The following SIK2 variants were observed in gnomAD, a reference collection of about 807,000 sequenced individuals.
The protein encoded by SIK2 is serine/threonine-protein kinase SIK2.
SIK2 carries 29 observed loss-of-function variants against 103.2 expected under a neutral mutation model. The ratio of observed to expected loss-of-function variants is 0.28; its 90% CI spans 0.21 to 0.38. The LOEUF (loss-of-function observed/expected upper bound fraction) is 0.38. Among genes scored for constraint, SIK2 ranks in the 10% least tolerant of loss-of-function variants. The pLI, the probability that SIK2 is intolerant of heterozygous loss-of-function variation, is 1.00. For synonymous variants in SIK2, 412 were observed against 446.1 expected (o/e 0.92, Z 0.96); for missense variants, 879 against 1,171.0 (o/e 0.75, Z 3.64).
intron 3 of SIK2, chr11:111,671,225 G>A: frequency 3.8e-6 from 1 of 263,366 alleles, no homozygotes; most frequent in South Asian, 4.7e-5. Context: ...CCCTGCAGCA[G>A]CTTGCAGTAG....
At position 111,688,855 on chromosome 11, in the gene SIK2, G is replaced by A. The variant is rs1221742996; in HGVS notation, c.478+693G>A. Among the ~76,000 whole-genome samples the A allele has an allele frequency of 6.6e-6, 1 of 152,116 alleles. No homozygotes were observed. Among genetic ancestry groups the A allele is most frequent in the African/African-American group, 2.4e-5 (1 of 41,408 alleles). On this transcript the variant is annotated intron_variant, in intron 4 of 14. Transcript: ENST00000304987. This position sits in a 1 kb window ranked among gnomAD's most constrained non-coding sequence, Gnocchi z 4.2. Reference sequence around the variant, plus strand: ...CACAACATATCCATATATAAAAATAGCATGTACACCTTGAATATACACAAT... The same window carrying A: ...CACAACATATCCATATATAAAAATAACATGTACACCTTGAATATACACAAT...
At chr11:111,700,250 A>G (rs1565369054) in intron 4 of SIK2, among the ~76,000 whole-genome samples, 1 of 152,198 alleles carries the variant, frequency 6.6e-6, no homozygotes, top group Non-Finnish European at 1.5e-5. Flanking sequence ...CTATAATGCC[A>G]CTGCGATCCA....
chr11:111,611,742 T>C (rs1941729111), intron 1 of SIK2, among the ~76,000 whole-genome samples: 1 of 152,178 alleles, frequency 6.6e-6, no homozygotes, highest in African/African-American at 2.4e-5. Context: ...GTTGAATAGA[T>C]GAACACCACC....
intron 7 of SIK2, among the ~76,000 whole-genome samples, chr11:111,704,219 G>C (rs760902087): frequency 6.6e-6 from 1 of 152,174 alleles, no homozygotes; most frequent in Non-Finnish European, 1.5e-5. Flanking sequence ...AGTGCATCCT[G>C]AGCAGTAGCT....
intron 10 of SIK2, 99 bp from the exon 11 acceptor site, chr11:111,720,379 C>A: frequency 8.2e-7 from 1 of 1,215,080 alleles, no homozygotes; most frequent in Non-Finnish European, 1.1e-6. Context: ...AAATTAAGGA[C>A]ATGGTAGCTG....
chr11:111,701,443 C>A lies in SIK2; in HGVS notation c.604-9C>A. The A allele has an allele frequency of 6.2e-7, 1 of 1,610,520 alleles. No homozygotes were observed. Among genetic ancestry groups the A allele is most frequent in the South Asian group, 1.1e-5 (1 of 90,364 alleles). On this transcript the variant is annotated splice_polypyrimidine_tract_variant and intron_variant, in intron 5 of 14. Coordinates refer to ENST00000304987, the MANE Select transcript of SIK2 (RefSeq NM_015191.3). The surrounding 1 kb of genome is among the most constrained non-coding windows in gnomAD (Gnocchi z 4.2). Reference sequence around the variant, plus strand: ...GGTAGAAAAGTCTCTGCATTGTTTTCTTCCCTAGAGTATGGGAGTTGTTCT... The same window carrying A: ...GGTAGAAAAGTCTCTGCATTGTTTTATTCCCTAGAGTATGGGAGTTGTTCT...
chr11:111,686,099 T>C (rs773468386), intron 3 of SIK2, among the ~76,000 whole-genome samples: 10 of 152,198 alleles, frequency 6.6e-5, no homozygotes, highest in Non-Finnish European at 2.9e-5. Context: ...CACTGTGATA[T>C]GAACATGCTT....
At chr11:111,717,480 T>C (rs1943679839) in intron 9 of SIK2, among the ~76,000 whole-genome samples, 1 of 152,122 alleles carries the variant, frequency 6.6e-6, no homozygotes, top group Non-Finnish European at 1.5e-5. Flanking sequence ...AGGAACACTT[T>C]TACACTGTTA....
intron 3 of SIK2, among the ~76,000 whole-genome samples, chr11:111,653,306 T>C (rs1028717864): frequency 6.6e-6 from 1 of 152,228 alleles, no homozygotes; most frequent in African/African-American, 2.4e-5. Flanking sequence ...AACTTCAGAC[T>C]CGAATTTGAT....
chr11:111,670,109 T>C (rs1449638708), intron 3 of SIK2, among the ~76,000 whole-genome samples: 2 of 152,218 alleles, frequency 1.3e-5, no homozygotes, highest in Non-Finnish European at 2.9e-5. Flanking sequence ...TAAATTATAG[T>C]CACCCCACTG....
At chr11:111,631,311 C>G (rs777168267) in intron 3 of SIK2, among the ~76,000 whole-genome samples, 11 of 152,132 alleles carry the variant, frequency 7.2e-5, no homozygotes, top group African/African-American at 7.2e-5. Flanking sequence ...GAACAGCTAG[C>G]AGTGCTCATA....
chr11:111,620,707 C>T (rs1941871530), intron 3 of SIK2, among the ~76,000 whole-genome samples: 1 of 151,966 alleles, frequency 6.6e-6, no homozygotes, highest in African/African-American at 2.4e-5. Flanking sequence ...CCTTTCTTTT[C>T]TATGGAAAGA....
chr11:111,682,973 C>CA (rs1207616547), intron 3 of SIK2: 3 of 152,058 alleles, frequency 2.0e-5, no homozygotes, highest in African/African-American at 7.2e-5. Flanking sequence ...TGTTGACATA[C>CA]AAAATATAAC....
chr11:111,726,340 C>G lies in SIK2; in HGVS notation c.*2211C>G, dbSNP rs1251339856. ...GGGAGCTATGGCAGGACGGTTAGGC[C>G]AGCCGATGAGGGACTGCAGAGAGGC... On this transcript the variant is annotated 3_prime_UTR_variant, in exon 15 of 15. Coordinates refer to ENST00000304987, the MANE Select transcript of SIK2 (RefSeq NM_015191.3). 1.3e-5 allele frequency: 2 copies of G among 152,284 alleles called. No individual in the cohort carries two copies. Among genetic ancestry groups the G allele is most frequent in the African/African-American group, 4.8e-5 (2 of 41,418 alleles). The allele number at this position is 152,284 out of a possible 1,614,324, so 9.4% of individuals were successfully genotyped here. A position where few individuals can be genotyped will look rare whatever the true frequency, so the allele number is the denominator to read the frequency against.
intron 3 of SIK2, chr11:111,671,158 G>T (rs555569848): frequency 4.0e-4 from 86 of 217,698 alleles, no homozygotes; most frequent in Non-Finnish European, 7.1e-4. Flanking sequence ...GTAGCCACTG[G>T]TGGTCTTCCT....
intron 8 of SIK2, among the ~76,000 whole-genome samples, chr11:111,711,574 T>G (rs1346147123): frequency 1.3e-5 from 2 of 152,228 alleles, no homozygotes; most frequent in African/African-American, 4.8e-5. Flanking sequence ...TGCAGTAAGC[T>G]TCTCTCCTTC....
chr11:111,612,915 G>GATAGATATAT (rs1312727269), intron 1 of SIK2, among the ~76,000 whole-genome samples: 11 of 50,028 alleles, frequency 2.2e-4, no homozygotes, highest in African/African-American at 7.0e-4. Context: ...ATAGCAATGG[G>GATAGATATAT]ATATATATAT....
chr11:111,632,246 T>C (rs1245778863), intron 3 of SIK2, among the ~76,000 whole-genome samples: 1 of 152,100 alleles, frequency 6.6e-6, no homozygotes, highest in Non-Finnish European at 1.5e-5. Flanking sequence ...AAAGCAAAAC[T>C]TTTCTTAGTA....
chr11:111,615,345 A>T (rs918313810), intron 1 of SIK2, among the ~76,000 whole-genome samples: 11 of 151,950 alleles, frequency 7.2e-5, no homozygotes, highest in African/African-American at 2.7e-4. Context: ...AGGCTAAATT[A>T]TGTTTAGAAT....
Sources: allele counts gnomAD v4.1 joint callset (sites outside exome capture counted in the v4.1 genomes callset), GRCh38; gene constraint gnomAD v4.1.1; non-coding constraint Gnocchi (gnomAD v3.1); transcripts MANE v1.5; gene names NCBI Gene and HGNC (gene_info 2026-07-23, HGNC 2026-07-21).